EFCAB5: variants seen among roughly 807,000 people sequenced by gnomAD.
EFCAB5 encodes EF-hand calcium binding domain 5.
A neutral mutation model predicts 167.9 loss-of-function variants in EFCAB5; 131 were observed. The observed-to-expected ratio is 0.78, with a 90% CI of 0.68 to 0.90. EFCAB5 has a LOEUF of 0.90. EFCAB5 is among the 40% of genes least tolerant of loss of function. The pLI, the probability that EFCAB5 is intolerant of heterozygous loss-of-function variation, is 0.00. For missense variants in EFCAB5, 1,663 were observed against 1,745.2 expected, an observed-to-expected ratio of 0.95 and a Z score of 0.84; for synonymous variants, 574 against 602.8, an observed-to-expected ratio of 0.95 and a Z score of 0.70.
At chr17:30,045,413 G>A (rs576940947) in intron 8 of EFCAB5, among the ~76,000 whole-genome samples, 15 of 147,344 alleles carry the variant, frequency 1.0e-4, no homozygotes, top group Admixed American at 4.1e-4. Flanking sequence ...AGCCAAGATC[G>A]TGCCACTAAA....
chr17:29,941,976 A>T, intron 1 of EFCAB5, 138 bp downstream of exon 1: 1 of 1,033,854 alleles, frequency 9.7e-7, no homozygotes, highest in Non-Finnish European at 1.4e-6. Flanking sequence ...TCAGGTTTTG[A>T]CAGAAATGCT....
In EFCAB5 at chr17:29,994,838, T is replaced by G. The variant is rs558505872; in HGVS notation, c.925-1474T>G. Among the ~76,000 whole-genome samples, 6 of 152,314 alleles carry G rather than the reference T, an allele frequency of 3.9e-5. No individual in the cohort carries two copies. The South Asian group carries it at 1.2e-3, about 32-fold the overall frequency. On this transcript the variant is annotated intron_variant, in intron 5 of 22. Coordinates refer to ENST00000394835, the MANE Select transcript of EFCAB5 (RefSeq NM_198529.4). ...AGAGGCTCCATCAAGTTTAAGACAC[T>G]TGTAAGTGATGATACCAGCCATTTA...
intron 3 of EFCAB5, 63 bp from the exon 4 acceptor site, chr17:29,968,727 TA>T: frequency 7.6e-7 from 1 of 1,319,890 alleles, no homozygotes; most frequent in Non-Finnish European, 1.0e-6. Context: ...AATATTATTC[TA>T]AAGTCACATA....
intron 5 of EFCAB5, 109 bp downstream of exon 5, chr17:29,993,430 T>C: frequency 1.7e-6 from 2 of 1,182,892 alleles, no homozygotes; most frequent in Non-Finnish European, 2.3e-6. Context: ...TTTTCAGTAT[T>C]GCTGAGGTAA....
chr17:29,952,930 C>G (rs1219979385), intron 3 of EFCAB5, among the ~76,000 whole-genome samples: 1 of 152,026 alleles, frequency 6.6e-6, no homozygotes, highest in African/African-American at 2.4e-5. Flanking sequence ...AAATTCTTAT[C>G]TCTTGCTATT....
intron 3 of EFCAB5, among the ~76,000 whole-genome samples, chr17:29,966,006 G>A (rs749177753): frequency 6.6e-6 from 1 of 151,548 alleles, no homozygotes; most frequent in Non-Finnish European, 1.5e-5. Context: ...ATTTACTTTT[G>A]TATTTTAATC....
intron 22 of EFCAB5, among the ~76,000 whole-genome samples, chr17:30,101,075 G>A (rs2071376837): frequency 6.6e-6 from 1 of 152,184 alleles, no homozygotes; most frequent in Non-Finnish European, 1.5e-5. Context: ...ATAATGTCTT[G>A]ATTTTATGGC....
At chr17:30,058,572 A>T (rs1395600240) in intron 13 of EFCAB5, among the ~76,000 whole-genome samples, 1 of 152,196 alleles carries the variant, frequency 6.6e-6, no homozygotes, top group Non-Finnish European at 1.5e-5. Context: ...TCACTAATAT[A>T]ATTAACCTAG....
intron 3 of EFCAB5, among the ~76,000 whole-genome samples, chr17:29,944,622 G>T (rs376085569): frequency 0.025 from 3,365 of 134,000 alleles, 63 homozygotes; most frequent in Middle Eastern, 0.052. Context: ...TTTCTGTTTT[G>T]TTTTGTTTTT....
At chr17:30,097,102 G>C (rs998157598) in intron 22 of EFCAB5, among the ~76,000 whole-genome samples, 2 of 149,110 alleles carry the variant, frequency 1.3e-5, no homozygotes, top group Non-Finnish European at 1.5e-5. Context: ...TGTTGCCCAG[G>C]CTGAAGTGCA....
Position 30,087,160 on chromosome 17 carries a change from T to G in EFCAB5, c.3677T>G (p.Ile1226Ser), listed in dbSNP as rs1327148980. The G allele has an allele frequency of 1.2e-6, 2 of 1,613,524 alleles. No individual in the cohort carries two copies. Among genetic ancestry groups the G allele is most frequent in the Admixed American group, 3.3e-5 (2 of 60,014 alleles). The change falls in exon 19 of 23, where the codon ATC becomes AGC. Residue 1226 changes from isoleucine (I) to serine (S), a missense_variant. By Grantham distance (142) the Ile-to-Ser change is moderately radical. Transcript: ENST00000394835. ...CCTACCATCCACAGGAAGTCATGCA[T>G]CTTCAGGTTAGAGACATGTCTGTTT... is the stretch of plus-strand genomic sequence containing the variant. ...NPPTIHRKSC[I>S]FRDFLFKCTD... is the part of the protein sequence containing the mutation.
intron 14 of EFCAB5, among the ~76,000 whole-genome samples, chr17:30,066,198 T>C (rs970457652): frequency 6.6e-6 from 1 of 152,074 alleles, no homozygotes; most frequent in Non-Finnish European, 1.5e-5. Context: ...ATAGACCACA[T>C]GCTAAGTCAC....
At chr17:30,049,459 G>A (rs935043009) in intron 8 of EFCAB5, among the ~76,000 whole-genome samples, 6 of 151,438 alleles carry the variant, frequency 4.0e-5, no homozygotes, top group African/African-American at 1.2e-4. Context: ...CAGCCTGGGC[G>A]ACAGAGCGAG....
At chr17:30,028,830 T>C (rs569085178) in intron 7 of EFCAB5, among the ~76,000 whole-genome samples, 10 of 152,354 alleles carry the variant, frequency 6.6e-5, no homozygotes, top group Admixed American at 6.5e-4. Flanking sequence ...CTTGTCTTCA[T>C]AGTCTGTACA....
chr17:30,096,983 T>TATATACATATACATATACATATAC (rs71138872), intron 22 of EFCAB5, among the ~76,000 whole-genome samples: 9 of 103,758 alleles, frequency 8.7e-5, no homozygotes, highest in Non-Finnish European at 1.6e-4. Flanking sequence ...CGGTCACAAT[T>TATATACATATACATATACATATAC]ATATACATAT....
At chr17:30,042,433 C>G (rs2069800383) in intron 8 of EFCAB5, among the ~76,000 whole-genome samples, 1 of 152,126 alleles carries the variant, frequency 6.6e-6, no homozygotes, top group African/African-American at 2.4e-5. Context: ...AATGCCTGTC[C>G]TGATATCAGG....
chr17:30,059,753 A>G lies in EFCAB5; in HGVS notation c.2737+52A>G. On this transcript the variant is annotated intron_variant, in intron 14 of 22. Transcript: ENST00000394835. ...AACTGTGGTAATTAACTTGGCTTCA[A>G]GTTTCTCAGTACACATATACAGTTA... The G allele has an allele frequency of 3.3e-6, 5 of 1,493,420 alleles. No homozygotes were observed. The South Asian group carries it at 6.9e-5, about 21-fold the overall frequency. 92.5% of individuals were successfully genotyped at this position (1,493,420 alleles called of 1,614,324 possible).
At chr17:29,986,139 G>T (rs1177417002) in intron 4 of EFCAB5, among the ~76,000 whole-genome samples, 2 of 152,198 alleles carry the variant, frequency 1.3e-5, no homozygotes, top group Non-Finnish European at 2.9e-5. Flanking sequence ...GGTCAGGTGT[G>T]TCTGGGATAC....
At chr17:30,052,239 A>G (rs1316880729) in intron 9 of EFCAB5, among the ~76,000 whole-genome samples, 2 of 152,116 alleles carry the variant, frequency 1.3e-5, no homozygotes, top group Non-Finnish European at 2.9e-5. Flanking sequence ...ATCTCAGCTC[A>G]CTGCAACTTC....
Sources: allele counts gnomAD v4.1 joint callset (sites outside exome capture counted in the v4.1 genomes callset), GRCh38; gene constraint gnomAD v4.1.1; transcripts MANE v1.5; gene names NCBI Gene and HGNC (gene_info 2026-07-23, HGNC 2026-07-21).